CLCN3: variants seen among roughly 807,000 people sequenced by gnomAD.
CLCN3 encodes Cl-/H+ antiporter 3, also known as H(+)/Cl(-) exchange transporter 3.
Under a neutral mutation model 83.4 loss-of-function variants are expected in CLCN3, and 16 were observed. That is an observed-to-expected ratio of 0.19 (90% CI 0.13 to 0.29). The LOEUF (loss-of-function observed/expected upper bound fraction) is 0.29. Ranked by LOEUF, CLCN3 falls within the 10% of genes least tolerant of loss-of-function variation. The pLI, the probability that CLCN3 is intolerant of heterozygous loss-of-function variation, is 1.00. For missense variants in CLCN3, 544 were observed against 1,006.0 expected (o/e 0.54, Z 6.21); for synonymous variants, 322 against 346.2 (o/e 0.93, Z 0.78).
intron 12 of CLCN3, among the ~76,000 whole-genome samples, chr4:169,715,490 G>A (rs780687583): frequency 6.6e-6 from 1 of 151,962 alleles, no homozygotes; most frequent in African/African-American, 2.4e-5. Context: ...TTAGGAAGTC[G>A]GGTGTTTTTT....
chr4:169,673,342 C>A (rs1488834635), intron 2 of CLCN3, among the ~76,000 whole-genome samples: 1 of 152,188 alleles, frequency 6.6e-6, no homozygotes, highest in Non-Finnish European at 1.5e-5. Context: ...TCACTGAAAG[C>A]AAGACACATG....
intron 2 of CLCN3, among the ~76,000 whole-genome samples, chr4:169,668,730 A>ATTTTTTTTTTTT (rs538629875): frequency 7.1e-6 from 1 of 141,736 alleles, no homozygotes; most frequent in Admixed American, 7.1e-5. Context: ...AAAGTTTTTG[A>ATTTTTTTTTTTT]TTTTTTTTTT....
At chr4:169,704,250 A>G (rs1353588863) in intron 10 of CLCN3, 66 bp downstream of exon 10, 9 of 1,458,802 alleles carry the variant, frequency 6.2e-6, no homozygotes, top group Non-Finnish European at 8.5e-6. Context: ...AGAAAGTGGG[A>G]CACATTCTTG....
At chr4:169,715,471 T>G in intron 12 of CLCN3, among the ~76,000 whole-genome samples, 1 of 152,104 alleles carries the variant, frequency 6.6e-6, no homozygotes, top group East Asian at 1.9e-4. Flanking sequence ...TTGTTTTGTT[T>G]GAAGTGTATT....
chr4:169,692,209 A>G lies in CLCN3; in HGVS notation c.825A>G (p.Ser275=). ...KTITLVLAVA[S]GLSLGKEGPL... is the part of the protein sequence containing the mutation. ...TCACATTAGTCCTGGCTGTGGCATC[A>G]GGTTTGAGTTTAGGAAAAGAAGGTC... is the stretch of plus-strand genomic sequence containing the variant. The change falls in exon 7 of 13, where the codon TCA becomes TCG. Residue 275 remains serine (S), a synonymous_variant. Transcript: ENST00000513761. 1 of 1,612,840 alleles carries G rather than the reference A, an allele frequency of 6.2e-7. No homozygotes were observed.
At chr4:169,702,383 C>T (rs1477660771) in intron 9 of CLCN3, among the ~76,000 whole-genome samples, 1 of 152,168 alleles carries the variant, frequency 6.6e-6, no homozygotes. Flanking sequence ...TCTCCTTGTA[C>T]ATCTCCATCA....
intron 12 of CLCN3, chr4:169,717,720 C>T: frequency 2.1e-6 from 2 of 965,478 alleles, no homozygotes; most frequent in East Asian, 2.5e-5. Flanking sequence ...TTCTCTCATT[C>T]TTTATCATTA....
chr4:169,679,740 ATCAG>A, intron 2 of CLCN3, among the ~76,000 whole-genome samples: 1 of 152,204 alleles, frequency 6.6e-6, no homozygotes, highest in African/African-American at 2.4e-5. Flanking sequence ...AAATACAAAA[ATCAG>A]TCAGGCGTGG....
intron 2 of CLCN3, among the ~76,000 whole-genome samples, chr4:169,678,435 T>C (rs1581238688): frequency 6.6e-6 from 1 of 152,342 alleles, no homozygotes; most frequent in East Asian, 1.9e-4. Flanking sequence ...TTTTTTACTA[T>C]TTATTGATCA....
chr4:169,661,839 G>A (rs1731068157), intron 2 of CLCN3, among the ~76,000 whole-genome samples: 1 of 151,686 alleles, frequency 6.6e-6, no homozygotes, highest in African/African-American at 2.4e-5. Context: ...TATTTCCTAT[G>A]TTCTGATTAT....
Position 169,719,970 on chromosome 4 carries a change from A to G in CLCN3, c.2430A>G (p.Gln810=), listed in dbSNP as rs965811116. The part of the protein sequence containing the change: ...ILRHMAQTAN[Q]DPASIMFN ...GGCATATGGCCCAGACGGCAAACCAAGACCCCGCTTCAATAATGTTCAACT... is the reference window on the plus strand; with the variant it reads ...GGCATATGGCCCAGACGGCAAACCAGGACCCCGCTTCAATAATGTTCAACT... Residue 810 remains glutamine, a synonymous_variant, in exon 13 of 13, where the codon CAA becomes CAG. Transcript: ENST00000513761. 6.2e-7 allele frequency: 1 copy of G among 1,614,068 alleles called. No individual in the cohort carries two copies. Among genetic ancestry groups the G allele is most frequent in the Non-Finnish European group, 8.5e-7 (1 of 1,179,914 alleles).
chr4:169,697,012 A>G (rs1472364901), intron 8 of CLCN3, among the ~76,000 whole-genome samples, 177 bp from the exon 9 acceptor site: 1 of 152,056 alleles, frequency 6.6e-6, no homozygotes, highest in African/African-American at 2.4e-5. Flanking sequence ...AATGATGATC[A>G]CCATCTCCAA....
chr4:169,635,895 A>G lies in CLCN3; in HGVS notation c.-16-18A>G. On this transcript the variant is annotated intron_variant, in intron 1 of 12. Transcript: ENST00000513761. ...TGTATGTTTGAAAAATGTTAAAACTACTTTTTCCCCCCCACAGATAATCAG... is the reference window on the plus strand; with the variant it reads ...TGTATGTTTGAAAAATGTTAAAACTGCTTTTTCCCCCCCACAGATAATCAG... 1.3e-6 allele frequency: 2 copies of G among 1,506,214 alleles called. No individual in the cohort carries two copies. Among genetic ancestry groups the G allele is most frequent in the Non-Finnish European group, 1.8e-6 (2 of 1,123,654 alleles). 93.3% of individuals were successfully genotyped at this position (1,506,214 alleles called of 1,614,324 possible).
At chr4:169,658,951 G>T (rs1206538782) in intron 2 of CLCN3, among the ~76,000 whole-genome samples, 1 of 152,036 alleles carries the variant, frequency 6.6e-6, no homozygotes, top group Non-Finnish European at 1.5e-5. Flanking sequence ...GTAAAATTTA[G>T]TACTCCACAA....
At chr4:169,678,403 A>T (rs1731765862) in intron 2 of CLCN3, among the ~76,000 whole-genome samples, 1 of 151,750 alleles carries the variant, frequency 6.6e-6, no homozygotes, top group Non-Finnish European at 1.5e-5. Context: ...ATTTCAAGTG[A>T]TATTATTTCT....
At chr4:169,674,431 T>C (rs761074886) in intron 2 of CLCN3, among the ~76,000 whole-genome samples, 11 of 152,340 alleles carry the variant, frequency 7.2e-5, no homozygotes, top group South Asian at 2.1e-4. Flanking sequence ...TGTCAAGATA[T>C]TATAAGTATT....
intron 1 of CLCN3, among the ~76,000 whole-genome samples, chr4:169,625,487 G>A (rs1773212065): frequency 6.6e-6 from 1 of 152,140 alleles, no homozygotes; most frequent in South Asian, 2.1e-4. Context: ...CCCAAATTCT[G>A]GTGGCATATT....
intron 1 of CLCN3, 99 bp downstream of exon 1, chr4:169,621,162 T>C (rs192819798): frequency 2.7e-6 from 1 of 368,654 alleles, no homozygotes; most frequent in South Asian, 1.5e-4. Flanking sequence ...TCTCTTACAA[T>C]GTACCTACAT....
chr4:169,635,036 C>T (rs1413310321), intron 1 of CLCN3, among the ~76,000 whole-genome samples: 6 of 152,126 alleles, frequency 3.9e-5, no homozygotes, highest in South Asian at 4.1e-4. Context: ...AAACACTCCA[C>T]GTCTTCAGTG....
Sources: gnomAD v4.1 joint callset for allele counts (sites outside exome capture counted in the v4.1 genomes callset) on GRCh38, gnomAD v4.1.1 for gene constraint, MANE v1.5 for transcripts, NCBI Gene and HGNC (gene_info 2026-07-23, HGNC 2026-07-21) for gene names.